The following FKBP9 variants were observed in gnomAD, a reference collection of about 807,000 sequenced individuals.
FKBP9 encodes peptidyl-prolyl cis-trans isomerase FKBP9.
A neutral mutation model predicts 55.6 loss-of-function variants in FKBP9; 27 were observed. The observed-to-expected ratio is 0.49, with a 90% CI of 0.36 to 0.67. The LOEUF is 0.67. Ranked by LOEUF, FKBP9 falls within the 30% of genes least tolerant of loss-of-function variation. The pLI, the probability that FKBP9 is intolerant of heterozygous loss-of-function variation, is 0.00. For synonymous variants in FKBP9, 267 were observed against 296.5 expected, an observed-to-expected ratio of 0.90 and a Z score of 1.02; for missense variants, 539 against 742.8, an observed-to-expected ratio of 0.73 and a Z score of 3.19.
intron 1 of FKBP9, among the ~76,000 whole-genome samples, chr7:32,968,665 T>C (rs1784196043): frequency 6.6e-6 from 1 of 151,832 alleles, no homozygotes; most frequent in Non-Finnish European, 1.5e-5. Flanking sequence ...CTCTGCCTCC[T>C]AGGTTCAAGC....
At chr7:32,960,563 G>T (rs1478522490) in intron 1 of FKBP9, among the ~76,000 whole-genome samples, 1 of 152,208 alleles carries the variant, frequency 6.6e-6, no homozygotes, top group Admixed American at 6.5e-5. Context: ...TCATAGGGAA[G>T]AATTTCTTGC....
At chr7:32,971,051 C>T (rs948045582) in intron 1 of FKBP9, among the ~76,000 whole-genome samples, 9 of 150,556 alleles carry the variant, frequency 6.0e-5, no homozygotes, top group African/African-American at 1.2e-4. Context: ...GGAACAGCTT[C>T]GTTTGGGTGT....
At chr7:32,976,218 A>G in intron 3 of FKBP9, 136 bp from the exon 4 acceptor site, 1 of 947,748 alleles carries the variant, frequency 1.1e-6, no homozygotes, top group Non-Finnish European at 1.6e-6. Context: ...GGGGGAAAAG[A>G]TCCATAAATG....
At chr7:32,985,337 C>T (rs190953497) in intron 5 of FKBP9, among the ~76,000 whole-genome samples, 482 of 151,634 alleles carry the variant, frequency 3.2e-3, no homozygotes, top group Non-Finnish European at 5.2e-3. Context: ...CCACCAGGCC[C>T]GGCTAATTTT....
At chr7:32,988,454 C>T in intron 5 of FKBP9, 53 bp from the exon 6 acceptor site, 2 of 1,594,064 alleles carry the variant, frequency 1.3e-6, no homozygotes, top group East Asian at 2.2e-5. Flanking sequence ...ATTTGCACAG[C>T]TGCTGTGGAG....
Position 32,957,460 on chromosome 7 carries a change from G to C in FKBP9, c.-114G>C. ...CCGGGGAGACGGGGTGGCGGCTGCA[G>C]CCCGGGTAGGGCCAGGAGACCCGGT... is the stretch of plus-strand genomic sequence containing the variant. On this transcript the variant is annotated 5_prime_UTR_variant, in exon 1 of 10. Transcript: ENST00000242209. 1 of 770,752 alleles carries C rather than the reference G, an allele frequency of 1.3e-6. No homozygotes were observed. The highest frequency in any genetic ancestry group is 1.8e-6 in the Non-Finnish European group (1 of 556,134). 47.7% of individuals were successfully genotyped at this position (770,752 alleles called of 1,614,324 possible).
At chr7:32,984,595 C>T (rs904711548) in intron 5 of FKBP9, among the ~76,000 whole-genome samples, 5 of 152,274 alleles carry the variant, frequency 3.3e-5, no homozygotes, top group African/African-American at 1.2e-4. Context: ...GGAAACAATG[C>T]AAAAATGTAT....
At chr7:32,961,531 A>C (rs2127975520) in intron 1 of FKBP9, among the ~76,000 whole-genome samples, 1 of 152,300 alleles carries the variant, frequency 6.6e-6, no homozygotes, top group East Asian at 1.9e-4. Flanking sequence ...ATCAATTTAC[A>C]AAAATAAATA....
chr7:32,969,057 T>G (rs1784204846), intron 1 of FKBP9, among the ~76,000 whole-genome samples: 1 of 152,244 alleles, frequency 6.6e-6, no homozygotes, highest in Admixed American at 6.5e-5. Flanking sequence ...TGGAGAAATA[T>G]TCATTCAATC....
At chr7:32,971,808 G>A (rs1395750522) in intron 1 of FKBP9, among the ~76,000 whole-genome samples, 1 of 152,036 alleles carries the variant, frequency 6.6e-6, no homozygotes, top group African/African-American at 2.4e-5. Context: ...TCATGAGCTT[G>A]GGAAATTTTG....
intron 5 of FKBP9, among the ~76,000 whole-genome samples, chr7:32,985,957 C>T (rs1784566669): frequency 6.6e-6 from 1 of 152,158 alleles, no homozygotes; most frequent in Non-Finnish European, 1.5e-5. Context: ...CTTACCATTG[C>T]ACTCCAGCCT....
chr7:32,992,522 G>T (rs576866429), intron 6 of FKBP9, among the ~76,000 whole-genome samples: 22 of 152,358 alleles, frequency 1.4e-4, no homozygotes, highest in African/African-American at 5.3e-4. Context: ...TTGGTTAAGG[G>T]TTTATACAGA....
At chr7:32,980,979 G>A (rs1784466053) in intron 5 of FKBP9, among the ~76,000 whole-genome samples, 1 of 150,268 alleles carries the variant, frequency 6.7e-6, no homozygotes, top group Non-Finnish European at 1.5e-5. Context: ...GGCTGTTTTA[G>A]ATGGTTCTGC....
At chr7:32,987,608 G>A (rs1265745456) in intron 5 of FKBP9, among the ~76,000 whole-genome samples, 5 of 152,094 alleles carry the variant, frequency 3.3e-5, no homozygotes, top group South Asian at 2.1e-4. Flanking sequence ...TGACACATTC[G>A]TAGTTTCTGA....
intron 9 of FKBP9, among the ~76,000 whole-genome samples, chr7:33,004,680 T>C (rs531049992): frequency 3.3e-5 from 5 of 152,374 alleles, no homozygotes; most frequent in African/African-American, 1.2e-4. Context: ...TAATGTGTAA[T>C]TTACCTATTT....
intron 1 of FKBP9, among the ~76,000 whole-genome samples, chr7:32,970,225 C>G (rs899167671): frequency 2.0e-5 from 3 of 151,868 alleles, no homozygotes; most frequent in Non-Finnish European, 4.4e-5. Context: ...GAGACAGAGT[C>G]TCGCTCTGTC....
At chr7:32,976,175 C>T (rs1784359933) in intron 3 of FKBP9, among the ~76,000 whole-genome samples, 179 bp from the exon 4 acceptor site, 1 of 152,098 alleles carries the variant, frequency 6.6e-6, no homozygotes, top group Non-Finnish European at 1.5e-5. Flanking sequence ...CTTTTTATTT[C>T]TTTCTAAACT....
intron 1 of FKBP9, among the ~76,000 whole-genome samples, chr7:32,970,868 A>T (rs560220732): frequency 1.8e-4 from 27 of 151,328 alleles, no homozygotes; most frequent in African/African-American, 6.1e-4. Flanking sequence ...TTTCTGTGCC[A>T]TGTATTTCTT....
intron 7 of FKBP9, among the ~76,000 whole-genome samples, chr7:32,997,972 G>A (rs1174839083): frequency 6.6e-6 from 1 of 152,176 alleles, no homozygotes; most frequent in East Asian, 1.9e-4. Context: ...CTCTGACCAA[G>A]TAAAAACGCT....
Sources: gnomAD v4.1 joint callset for allele counts (sites outside exome capture counted in the v4.1 genomes callset) on GRCh38, gnomAD v4.1.1 for gene constraint, MANE v1.5 for transcripts, NCBI Gene and HGNC (gene_info 2026-07-23, HGNC 2026-07-21) for gene names.